ANO1: variants seen among roughly 807,000 people sequenced by gnomAD.
ANO1 encodes the protein anoctamin 1.
Under a neutral mutation model 124.0 loss-of-function variants are expected in ANO1, and 59 were observed. The ratio of observed to expected loss-of-function variants is 0.48; its 90% confidence interval spans 0.39 to 0.59. The LOEUF (loss-of-function observed/expected upper bound fraction) is 0.59, where lower values mean the gene tolerates loss of function less well. Among genes scored for constraint, ANO1 ranks in the 20% least tolerant of loss-of-function variants. The pLI is 0.00. For missense variants in ANO1, 1,059 were observed against 1,328.0 expected (o/e 0.80, Z 3.15); for synonymous variants, 529 against 532.0 (o/e 0.99, Z 0.08).
intron 5 of ANO1, among the ~76,000 whole-genome samples, chr11:70,106,620 T>C (rs2045561298): frequency 6.6e-6 from 1 of 152,134 alleles, no homozygotes; most frequent in Non-Finnish European, 1.5e-5. Context: ...GGCATCTCTC[T>C]CCCAGAGACC....
intron 2 of ANO1, among the ~76,000 whole-genome samples, chr11:70,095,870 A>T (rs2044932307): frequency 7.1e-6 from 1 of 140,128 alleles, no homozygotes; most frequent in Non-Finnish European, 1.6e-5. Flanking sequence ...TCTTTTTATG[A>T]TCTTTTTTAT....
rs555207376 is a variant in ANO1, at chr11:70,187,857, G to A, written c.2814G>A (p.Glu938=). 4 of 1,607,754 alleles carry A rather than the reference G, an allele frequency of 2.5e-6. No individual in the cohort carries two copies. Among genetic ancestry groups the A allele is most frequent in the African/African-American group, 1.3e-5 (1 of 75,002 alleles). ...VLMVELFMRE[E]QDKQQLLETW... ...TGGTGGAGCTGTTCATGCGGGAGGA[G>A]CAAGACAAGCAGCAGCTGCTGGAAA... The change falls in exon 26 of 26, where the codon GAG becomes GAA. Residue 938 remains glutamate (E), a synonymous_variant. Coordinates refer to ENST00000355303, the MANE Select transcript of ANO1 (RefSeq NM_018043.7).
intron 10 of ANO1, among the ~76,000 whole-genome samples, chr11:70,126,434 A>T (rs1385852403): frequency 6.6e-6 from 1 of 152,266 alleles, no homozygotes; most frequent in Non-Finnish European, 1.5e-5. Flanking sequence ...AGAAAGGCAT[A>T]AAAGAAACAT....
chr11:70,101,986 C>T (rs926849552), intron 2 of ANO1, among the ~76,000 whole-genome samples: 2 of 152,216 alleles, frequency 1.3e-5, no homozygotes, highest in African/African-American at 4.8e-5. Context: ...CCCTGGGCAG[C>T]TGGGTGGTCT....
intron 1 of ANO1, among the ~76,000 whole-genome samples, chr11:70,017,186 G>A (rs1299322567): frequency 1.3e-5 from 2 of 152,126 alleles, no homozygotes; most frequent in South Asian, 2.1e-4. Flanking sequence ...GAGGCTTAGC[G>A]GTCCGAACAA....
intron 1 of ANO1, chr11:70,085,805 C>G: frequency 1.8e-6 from 2 of 1,123,136 alleles, no homozygotes; most frequent in East Asian, 2.7e-5. Context: ...TGGGGAGGGG[C>G]TCCACCCTCC....
intron 1 of ANO1, among the ~76,000 whole-genome samples, chr11:70,080,520 A>G (rs1325318144): frequency 6.6e-6 from 1 of 152,162 alleles, no homozygotes; most frequent in Admixed American, 6.5e-5. Flanking sequence ...CTGGGGGTAG[A>G]CTAGACAAGA....
chr11:70,071,560 C>T (rs1270660672), intron 1 of ANO1, among the ~76,000 whole-genome samples: 1 of 152,150 alleles, frequency 6.6e-6, no homozygotes, highest in African/African-American at 2.4e-5. Context: ...GTAAAATTCA[C>T]ATACCAGATT....
At chr11:70,042,898 T>A (rs902568350) in intron 1 of ANO1, among the ~76,000 whole-genome samples, 2 of 152,100 alleles carry the variant, frequency 1.3e-5, no homozygotes, top group South Asian at 4.1e-4. Flanking sequence ...CTAACACGAA[T>A]TAAAGAACAA....
intron 6 of ANO1, among the ~76,000 whole-genome samples, chr11:70,109,826 C>A (rs576088066): frequency 6.6e-6 from 1 of 152,308 alleles, no homozygotes; most frequent in East Asian, 1.9e-4. Context: ...CACAGGGTCT[C>A]TGTGTTCCCA....
At chr11:70,182,435 C>T in intron 23 of ANO1, 67 bp from the exon 24 acceptor site, 3 of 1,362,578 alleles carry the variant, frequency 2.2e-6, no homozygotes, top group Non-Finnish European at 2.9e-6. Flanking sequence ...ATGGGTCACC[C>T]CCTGTTGCGG....
chr11:70,025,266 T>C (rs954982591), intron 1 of ANO1, among the ~76,000 whole-genome samples: 1 of 152,260 alleles, frequency 6.6e-6, no homozygotes, highest in African/African-American at 2.4e-5. Flanking sequence ...AAGGTGGTAG[T>C]GAGGGTTAGA....
chr11:70,090,304 G>A (rs1565188643), intron 2 of ANO1, among the ~76,000 whole-genome samples: 3 of 152,156 alleles, frequency 2.0e-5, no homozygotes, highest in Non-Finnish European at 4.4e-5. Context: ...ACCGCGCCTG[G>A]CCCCTCCCCA....
At chr11:70,073,948 C>G (rs116153986), upstream of ANO1, among the ~76,000 whole-genome samples, 2 of 151,176 alleles carry the variant, frequency 1.3e-5, no homozygotes, top group East Asian at 3.9e-4. Context: ...TGCGGTTGGC[C>G]GGCCTCTGCT....
At chr11:69,967,458 C>G in the ANO1 span, among the ~76,000 whole-genome samples, 1 of 152,242 alleles carries the variant, frequency 6.6e-6, no homozygotes, top group South Asian at 2.1e-4. Flanking sequence ...TGGGGCCAGG[C>G]CCCCGCATTC....
chr11:70,116,112 AC>A (rs1377499093), intron 7 of ANO1, among the ~76,000 whole-genome samples: 1 of 152,148 alleles, frequency 6.6e-6, no homozygotes, highest in Non-Finnish European at 1.5e-5. Context: ...CCCTATTGAT[AC>A]GACTCTTCCT....
intron 1 of ANO1, among the ~76,000 whole-genome samples, chr11:70,002,325 A>G (rs1332114810): frequency 2.0e-5 from 3 of 151,816 alleles, no homozygotes; most frequent in South Asian, 2.1e-4. Flanking sequence ...TTAGCCAGGC[A>G]TGGTGGCATG....
chr11:70,117,315 C>T (rs900016879), intron 8 of ANO1, among the ~76,000 whole-genome samples: 1 of 152,016 alleles, frequency 6.6e-6, no homozygotes, highest in Non-Finnish European at 1.5e-5. Context: ...AAATGATCCA[C>T]CCTCCTTAGC....
chr11:70,081,809 AT>A, intron 1 of ANO1, among the ~76,000 whole-genome samples: 1 of 152,220 alleles, frequency 6.6e-6, no homozygotes, highest in East Asian at 1.9e-4. Flanking sequence ...ATAGGCTGCC[AT>A]TCATGGCGCC....
Sources: gnomAD v4.1 joint callset for allele counts (sites outside exome capture counted in the v4.1 genomes callset) on GRCh38, gnomAD v4.1.1 for gene constraint, MANE v1.5 for transcripts, NCBI Gene and HGNC (gene_info 2026-07-23, HGNC 2026-07-21) for gene names.